AP3B2: variants seen among roughly 807,000 people sequenced by gnomAD.
AP3B2 encodes the protein adaptor related protein complex 3 subunit beta 2, also known as AP-3 complex subunit beta-2.
In AP3B2, 50 loss-of-function variants were observed where a neutral mutation model predicts 126.9. That is an observed-to-expected ratio of 0.39 (90% CI 0.31 to 0.50). The LOEUF (loss-of-function observed/expected upper bound fraction) is 0.50. Among genes scored for constraint, AP3B2 ranks in the 20% least tolerant of loss-of-function variants. The probability of loss-of-function intolerance (pLI) is 0.79; values close to 1 mark genes in which losing one functional copy is unlikely to be tolerated. For missense variants in AP3B2, 1,177 were observed against 1,426.4 expected (o/e 0.83, Z 2.82); for synonymous variants, 541 against 565.0 (o/e 0.96, Z 0.60).
In AP3B2 at chr15:82,678,023, A is replaced by G. The variant is rs377452070; in HGVS notation, c.1245+82T>C. On this transcript the variant is annotated intron_variant, in intron 11 of 26. Transcript: ENST00000535359. The stretch of plus-strand genomic sequence containing the variant: ...TAATAGTTTCTCCAGCCTTGGGCTC[A>G]TAAGAGGAGGTTTACCCACCAGGGC... 7.4e-5 allele frequency: 112 copies of G among 1,511,794 alleles called. No individual in the cohort carries two copies. The East Asian group carries it at 1.4e-3, about 19-fold the overall frequency. The allele number at this position is 1,511,794 out of a possible 1,614,324, so 93.6% of individuals were successfully genotyped here. A position where few individuals can be genotyped will look rare whatever the true frequency, so the allele number is the denominator to read the frequency against.
At chr15:82,671,332 G>C (rs1402857434) in intron 14 of AP3B2, among the ~76,000 whole-genome samples, 1 of 152,030 alleles carries the variant, frequency 6.6e-6, no homozygotes, top group Admixed American at 6.6e-5. Flanking sequence ...ACCCCAAGTA[G>C]GCTTATATCC....
rs865882781 is a variant in AP3B2, at chr15:82,680,399, G to T, written c.1055+73C>A. 6.9e-6 allele frequency: 10 copies of T among 1,450,352 alleles called. No homozygotes were observed. In the African/African-American group the frequency reaches 7.1e-5, roughly 10 times the overall value. 89.8% of individuals were successfully genotyped at this position (1,450,352 alleles called of 1,614,324 possible). ...AGGTGGAAGCGGCTGGTGGGCGTGA[G>T]GGGGCGGAGCCGGGCAGCCCGTGGG... On this transcript the variant is annotated intron_variant, in intron 8 of 26. Transcript: ENST00000535359. The surrounding 1 kb of genome is among the most constrained non-coding windows in gnomAD (Gnocchi z 6.1).
chr15:82,670,695 T>C (rs904591953), intron 14 of AP3B2, among the ~76,000 whole-genome samples: 5 of 152,016 alleles, frequency 3.3e-5, no homozygotes, highest in African/African-American at 1.2e-4. Flanking sequence ...AAAGCAAAAG[T>C]AGACAAATGG....
At position 82,680,285 on chromosome 15, in the gene AP3B2, CG is replaced by C; in HGVS notation, c.1056-57del. 1 of 1,610,222 alleles carries C rather than the reference CG, an allele frequency of 6.2e-7. No individual in the cohort carries two copies. Among genetic ancestry groups the C allele is most frequent in the African/African-American group, 1.3e-5 (1 of 74,954 alleles). On this transcript the variant is annotated intron_variant, in intron 8 of 26. Coordinates refer to ENST00000535359, the MANE Select transcript of AP3B2 (RefSeq NM_001278512.2). This position sits in a 1 kb window ranked among gnomAD's most constrained non-coding sequence, Gnocchi z 6.1. The stretch of plus-strand genomic sequence containing the variant: ...GCCCCTCGGTTGGGGCAAGGGTCAG[CG>C]GATGAGGGGAAAAGGTGGGGCAAGT...
intron 21 of AP3B2, 119 bp downstream of exon 21, chr15:82,663,441 T>C: frequency 8.2e-7 from 1 of 1,224,092 alleles, no homozygotes; most frequent in Non-Finnish European, 1.2e-6. Flanking sequence ...GAAGATATGT[T>C]CTGTCTGCTC....
chr15:82,693,771 G>A (rs2048587927), intron 1 of AP3B2, among the ~76,000 whole-genome samples: 1 of 151,982 alleles, frequency 6.6e-6, no homozygotes, highest in South Asian at 2.1e-4. Context: ...TGCCATCTCA[G>A]CTCACTGCAA....
chr15:82,704,457 G>C (rs34645508), intron 1 of AP3B2, among the ~76,000 whole-genome samples: 1 of 152,176 alleles, frequency 6.6e-6, no homozygotes, highest in Admixed American at 6.5e-5. Flanking sequence ...CAGTACACAA[G>C]AACTTCAAAA....
In AP3B2 at chr15:82,681,025, G is replaced by A. The variant is rs73443032; in HGVS notation, c.589-6C>T. 2.3e-3 allele frequency: 3,689 copies of A among 1,613,690 alleles called. 83 individuals carry two copies. In the African/African-American group the frequency reaches 0.044, roughly 19 times the overall value. On this transcript the variant is annotated splice_region_variant and splice_polypyrimidine_tract_variant and intron_variant, in intron 6 of 26. Transcript: ENST00000535359. This position sits in a 1 kb window ranked among gnomAD's most constrained non-coding sequence, Gnocchi z 4.0. ...ACCACACTGCCCGCCACCAGCTGGGGAAAGAACAAAGACGAGAGGGTGAAC... is the reference window on the plus strand; with the variant it reads ...ACCACACTGCCCGCCACCAGCTGGGAAAAGAACAAAGACGAGAGGGTGAAC...
chr15:82,688,370 G>A, intron 4 of AP3B2: 2 of 699,314 alleles, frequency 2.9e-6, no homozygotes, highest in Non-Finnish European at 5.2e-6. Flanking sequence ...AAATCTACCT[G>A]GCTGTGGACC....
chr15:82,701,117 T>G (rs2048714415), intron 1 of AP3B2, among the ~76,000 whole-genome samples: 1 of 152,194 alleles, frequency 6.6e-6, no homozygotes, highest in Admixed American at 6.5e-5. Context: ...CGCCTCAGCC[T>G]CCCAAAGTGC....
chr15:82,666,147 C>T (rs1054301380), intron 15 of AP3B2, among the ~76,000 whole-genome samples: 2 of 152,240 alleles, frequency 1.3e-5, no homozygotes, highest in African/African-American at 4.8e-5. Flanking sequence ...AGGAGGCTCT[C>T]TTCTGTGTAG....
At chr15:82,695,817 A>T (rs1002781358) in intron 1 of AP3B2, among the ~76,000 whole-genome samples, 1 of 152,170 alleles carries the variant, frequency 6.6e-6, no homozygotes, top group Non-Finnish European at 1.5e-5. Flanking sequence ...TGGCATCTGA[A>T]GCAGAGAGCA....
chr15:82,662,546 G>A (rs1355592155), intron 23 of AP3B2, 148 bp downstream of exon 23: 3 of 793,372 alleles, frequency 3.8e-6, no homozygotes, highest in East Asian at 5.4e-5. Context: ...CATCTGTCTT[G>A]TCCACCAGAG....
chr15:82,702,143 T>G (rs2093291756), intron 1 of AP3B2, among the ~76,000 whole-genome samples: 1 of 152,216 alleles, frequency 6.6e-6, no homozygotes. Context: ...TTCTGTGGCT[T>G]TAATTAACAT....
chr15:82,689,516 G>A (rs1012503864), intron 1 of AP3B2, 63 bp from the exon 2 acceptor site: 47 of 1,519,402 alleles, frequency 3.1e-5, no homozygotes, highest in Non-Finnish European at 4.1e-5. Context: ...TTAATCAGGA[G>A]GGTCCAGGCA....
intron 1 of AP3B2, chr15:82,699,250 AC>A (rs976206200): frequency 4.4e-5 from 7 of 159,244 alleles, no homozygotes; most frequent in Non-Finnish European, 9.5e-5. Context: ...ACCTCTTACC[AC>A]CTAAGTTCCA....
At position 82,665,227 on chromosome 15, in the gene AP3B2, A is replaced by G. The variant is rs1301713933; in HGVS notation, c.2028+20T>C. The G allele has an allele frequency of 1.3e-6, 2 of 1,536,222 alleles. No individual in the cohort carries two copies. Among genetic ancestry groups the G allele is most frequent in the East Asian group, 4.9e-5 (2 of 41,052 alleles). ...ACAGACAGGGCAGGGGAGAGAGCAC[A>G]CGTCACACGAAGGTGGGACCTCAGT... is the stretch of plus-strand genomic sequence containing the variant. On this transcript the variant is annotated intron_variant, in intron 17 of 26. Coordinates refer to ENST00000535359, the MANE Select transcript of AP3B2 (RefSeq NM_001278512.2). This position sits in a 1 kb window ranked among gnomAD's most constrained non-coding sequence, Gnocchi z 4.4.
At chr15:82,682,251 C>G (rs981169847) in intron 4 of AP3B2, among the ~76,000 whole-genome samples, 1 of 151,880 alleles carries the variant, frequency 6.6e-6, no homozygotes, top group African/African-American at 2.4e-5. Flanking sequence ...TTAGGTTTCG[C>G]CGTGTTGGCC....
intron 10 of AP3B2, among the ~76,000 whole-genome samples, chr15:82,678,829 CA>C (rs1207703374): frequency 6.6e-6 from 1 of 152,224 alleles, no homozygotes; most frequent in Non-Finnish European, 1.5e-5. Context: ...GTAAGCTCCA[CA>C]AAGGCAGGGT....
Sources: gnomAD v4.1 joint callset for allele counts (sites outside exome capture counted in the v4.1 genomes callset) on GRCh38, gnomAD v4.1.1 for gene constraint, Gnocchi (gnomAD v3.1) non-coding constraint, MANE v1.5 for transcripts, NCBI Gene and HGNC (gene_info 2026-07-23, HGNC 2026-07-21) for gene names.